TMEM132D: variants seen among roughly 807,000 people sequenced by gnomAD.
TMEM132D encodes the protein transmembrane protein 132D.
TMEM132D carries 21 observed loss-of-function variants against 62.3 expected under a neutral mutation model. That is an observed-to-expected ratio of 0.34 (90% CI 0.24 to 0.49). The LOEUF is 0.49. TMEM132D is among the 20% of genes least tolerant of loss of function. The pLI is 0.99. For synonymous variants in TMEM132D, 621 were observed against 575.6 expected (o/e 1.08, Z -1.13); for missense variants, 1,346 against 1,402.8 (o/e 0.96, Z 0.65).
At chr12:129,709,241 TCTCTCTGC>T (rs1409882385) in intron 1 of TMEM132D, among the ~76,000 whole-genome samples, 1 of 152,170 alleles carries the variant, frequency 6.6e-6, no homozygotes, top group African/African-American at 2.4e-5. Context: ...AAATTTCCTG[TCTCTCTGC>T]CCCATTCATT....
chr12:129,567,636 A>C lies in TMEM132D; in HGVS notation c.969-36431T>G, dbSNP rs1593068765. On this transcript the variant is annotated intron_variant, in intron 2 of 8. Transcript: ENST00000422113. ...CATTAAAGACATTTACGAAATTGTA[A>C]ACAGTACCACCTTTCACAGTGATTT... Among the ~76,000 whole-genome samples the C allele has an allele frequency of 2.0e-5, 3 of 152,212 alleles. No homozygotes were observed. The South Asian group carries it at 6.2e-4, about 32-fold the overall frequency.
chr12:129,787,787 C>G (rs550316800), intron 1 of TMEM132D, among the ~76,000 whole-genome samples: 20 of 152,304 alleles, frequency 1.3e-4, no homozygotes, highest in Admixed American at 1.0e-3. Flanking sequence ...GATGCCTCAT[C>G]ACACTTGGGG....
intron 3 of TMEM132D, among the ~76,000 whole-genome samples, chr12:129,453,583 C>T (rs1175102290): frequency 6.6e-6 from 1 of 152,172 alleles, no homozygotes; most frequent in Non-Finnish European, 1.5e-5. Context: ...CCCAAAGGTT[C>T]TGGTTGTATT....
rs60004106 is a variant in TMEM132D, at chr12:129,367,777, C to CT, written c.1116-29961dup. ...AGCTCTTTCTTTTTCCATTTCTTTT[C>CT]TTTTTTTTTTTTTTTTTCGTTTTTT... On this transcript the variant is annotated intron_variant, in intron 3 of 8. Transcript: ENST00000422113. Among the ~76,000 whole-genome samples, 217 of 122,274 alleles carry CT rather than the reference C, an allele frequency of 1.8e-3. 2 individuals are homozygous for CT. The highest frequency in any genetic ancestry group is 4.3e-3 in the African/African-American group (137 of 31,870). 80.2% of individuals were successfully genotyped at this position (122,274 alleles called of 152,430 possible).
chr12:129,840,946 G>A (rs558169340), intron 1 of TMEM132D, among the ~76,000 whole-genome samples: 1 of 152,338 alleles, frequency 6.6e-6, no homozygotes, highest in South Asian at 2.1e-4. Flanking sequence ...TATCGTCACT[G>A]ATGACTAAAT....
chr12:129,627,113 C>T (rs534025290), intron 2 of TMEM132D, among the ~76,000 whole-genome samples: 134 of 152,124 alleles, frequency 8.8e-4, no homozygotes, highest in Non-Finnish European at 1.1e-3. Flanking sequence ...ACCCAAAATA[C>T]GAGATCTTAC....
intron 5 of TMEM132D, among the ~76,000 whole-genome samples, chr12:129,161,945 T>C (rs112657154): frequency 0.012 from 1,799 of 152,268 alleles, 42 homozygotes; most frequent in African/African-American, 0.041. Flanking sequence ...AGCAGGTCTG[T>C]GCTTGCAGAC....
chr12:129,447,166 A>G (rs1310991723), intron 3 of TMEM132D, among the ~76,000 whole-genome samples: 1 of 151,620 alleles, frequency 6.6e-6, no homozygotes, highest in African/African-American at 2.4e-5. Flanking sequence ...TTGCAGCCAC[A>G]CTCTCAATTT....
chr12:129,766,728 G>A (rs1339424436), intron 1 of TMEM132D, among the ~76,000 whole-genome samples: 2 of 152,084 alleles, frequency 1.3e-5, no homozygotes, highest in South Asian at 4.2e-4. Flanking sequence ...CCCCCTCTAT[G>A]CACCTCCTAG....
intron 2 of TMEM132D, among the ~76,000 whole-genome samples, chr12:129,586,421 G>T (rs1277048567): frequency 3.9e-5 from 6 of 152,138 alleles, no homozygotes; most frequent in Non-Finnish European, 7.4e-5. Flanking sequence ...GTCACTTTAG[G>T]CTGCTAACAC....
chr12:129,465,549 A>C (rs527454289), intron 3 of TMEM132D, among the ~76,000 whole-genome samples: 133 of 152,326 alleles, frequency 8.7e-4, no homozygotes, highest in African/African-American at 3.1e-3. Context: ...AGAAAACCCC[A>C]TTGTCTCAGT....
At chr12:129,392,879 T>C (rs1320690704) in intron 3 of TMEM132D, among the ~76,000 whole-genome samples, 1 of 149,010 alleles carries the variant, frequency 6.7e-6, no homozygotes, top group Admixed American at 6.6e-5. Flanking sequence ...ACAAGGAAAA[T>C]AAAAGACAAG....
chr12:129,274,300 G>C (rs1334935539), intron 4 of TMEM132D, among the ~76,000 whole-genome samples: 2 of 149,220 alleles, frequency 1.3e-5, no homozygotes, highest in Non-Finnish European at 2.9e-5. Context: ...AGCATTCTTG[G>C]GTCTAGAGTT....
chr12:129,135,477 G>T (rs1009339323), intron 5 of TMEM132D, among the ~76,000 whole-genome samples: 1 of 152,146 alleles, frequency 6.6e-6, no homozygotes, highest in African/African-American at 2.4e-5. Flanking sequence ...CTGCTCCCCT[G>T]ATATCAAGGT....
intron 5 of TMEM132D, among the ~76,000 whole-genome samples, chr12:129,170,964 G>T (rs1586393): frequency 0.47 from 71,315 of 151,900 alleles, 17,512 homozygotes; most frequent in Admixed American, 0.59. Flanking sequence ...GGCAAGGACT[G>T]AAAATAAGAC....
At chr12:129,134,561 TA>T (rs1221720397) in intron 5 of TMEM132D, among the ~76,000 whole-genome samples, 3 of 152,214 alleles carry the variant, frequency 2.0e-5, no homozygotes, top group Non-Finnish European at 2.9e-5. Flanking sequence ...ATCTTGTATA[TA>T]TTATCTTACA....
intron 1 of TMEM132D, among the ~76,000 whole-genome samples, chr12:129,819,493 G>A (rs73160232): frequency 0.094 from 14,347 of 152,060 alleles, 781 homozygotes; most frequent in East Asian, 0.16. Flanking sequence ...AACTCCACAC[G>A]CCCCAGGTTC....
chr12:129,850,960 G>A (rs1873519230), intron 1 of TMEM132D, among the ~76,000 whole-genome samples: 1 of 152,172 alleles, frequency 6.6e-6, no homozygotes, highest in African/African-American at 2.4e-5. Context: ...ATTCCACCAG[G>A]ATGAACATCC....
At chr12:129,539,573 T>C (rs1876527566) in intron 2 of TMEM132D, among the ~76,000 whole-genome samples, 1 of 12,718 alleles carries the variant, frequency 7.9e-5, no homozygotes, top group African/African-American at 3.1e-4. Flanking sequence ...TAATTTTTTC[T>C]ATTTTTTTTT....
Sources: gnomAD v4.1 joint callset for allele counts (sites outside exome capture counted in the v4.1 genomes callset) on GRCh38, gnomAD v4.1.1 for gene constraint, MANE v1.5 for transcripts, NCBI Gene and HGNC (gene_info 2026-07-23, HGNC 2026-07-21) for gene names.